CADM2: variants seen among roughly 807,000 people sequenced by gnomAD.
CADM2 encodes the protein immunoglobulin superfamily member 4D.
In CADM2, 12 loss-of-function variants were observed where a neutral mutation model predicts 49.8. The observed-to-expected ratio is 0.24, with a 90% confidence interval of 0.15 to 0.39. CADM2 has a LOEUF of 0.39. Ranked by LOEUF, CADM2 falls within the 10% of genes least tolerant of loss-of-function variation. The pLI, the probability that CADM2 is intolerant of heterozygous loss-of-function variation, is 1.00. For synonymous variants in CADM2, 214 were observed against 175.4 expected, an observed-to-expected ratio of 1.22 and a Z score of -1.74; for missense variants, 378 against 492.3, an observed-to-expected ratio of 0.77 and a Z score of 2.20.
intron 3 of CADM2, among the ~76,000 whole-genome samples, chr3:85,833,647 A>C (rs1232210347): frequency 6.6e-6 from 1 of 151,304 alleles, no homozygotes; most frequent in East Asian, 2.0e-4. Context: ...TCTTTTCCCC[A>C]TTGTGTATTC....
intron 2 of CADM2, among the ~76,000 whole-genome samples, chr3:85,771,884 TC>T (rs1462171061): frequency 6.6e-6 from 1 of 152,106 alleles, no homozygotes; most frequent in Non-Finnish European, 1.5e-5. Flanking sequence ...AAGAACTAGT[TC>T]CATTTCTTTC....
intron 3 of CADM2, among the ~76,000 whole-genome samples, chr3:85,824,494 T>C (rs1375218): frequency 0.7 from 106,931 of 151,866 alleles, 39,205 homozygotes; most frequent in African/African-American, 0.92. Context: ...GTATGACTCT[T>C]TTGTCACTGG....
At chr3:85,178,380 T>G (rs2107698773) in intron 1 of CADM2, among the ~76,000 whole-genome samples, 1 of 152,014 alleles carries the variant, frequency 6.6e-6, no homozygotes, top group African/African-American at 2.4e-5. Context: ...GGATAAACCC[T>G]TGGAATAAGC....
In CADM2 at chr3:85,999,039, G is replaced by A. The variant is rs187058040; in HGVS notation, c.970+37392G>A. 2.2e-3 allele frequency among the ~76,000 whole-genome samples: 340 copies of A among 152,180 alleles called. 8 individuals carry two copies. The highest frequency in any genetic ancestry group is 0.018 in the Admixed American group (282 of 15,276). On this transcript the variant is annotated intron_variant, in intron 8 of 9. Coordinates refer to ENST00000383699, the MANE Select transcript of CADM2 (RefSeq NM_001167675.2). ...AAGGGTTTTATGGAAAAAAAATAAT[G>A]TATTCCATTTAAACATGCAGAGTTT...
intron 1 of CADM2, among the ~76,000 whole-genome samples, chr3:85,572,210 C>T (rs1157495312): frequency 1.2e-4 from 19 of 152,040 alleles, no homozygotes; most frequent in Admixed American, 1.2e-3. Flanking sequence ...GACAGGAGAA[C>T]CACTTGAACC....
chr3:85,552,509 T>A (rs760424513), intron 1 of CADM2, among the ~76,000 whole-genome samples: 1 of 150,234 alleles, frequency 6.7e-6, no homozygotes, highest in Non-Finnish European at 1.5e-5. Context: ...GCCTACCGAG[T>A]AGCTGAGACT....
chr3:85,917,732 G>A (rs575990504), intron 6 of CADM2, among the ~76,000 whole-genome samples: 1 of 152,244 alleles, frequency 6.6e-6, no homozygotes, highest in South Asian at 2.1e-4. Flanking sequence ...GATGGGGATG[G>A]CATTGAATCT....
At chr3:85,616,987 C>T (rs74967971) in intron 1 of CADM2, among the ~76,000 whole-genome samples, 1 of 152,132 alleles carries the variant, frequency 6.6e-6, no homozygotes, top group South Asian at 2.1e-4. Flanking sequence ...AAAACACACT[C>T]AATGTGTTTT....
chr3:85,316,863 C>T (rs1201318182), intron 1 of CADM2, among the ~76,000 whole-genome samples: 1 of 152,042 alleles, frequency 6.6e-6, no homozygotes, highest in Non-Finnish European at 1.5e-5. Flanking sequence ...AAGAGAAACA[C>T]CCAGCTGTCA....
intron 1 of CADM2, among the ~76,000 whole-genome samples, chr3:85,194,735 A>G (rs2041296261): frequency 1.3e-5 from 2 of 152,070 alleles, no homozygotes; most frequent in South Asian, 4.1e-4. Context: ...CTTGCTACCC[A>G]GGAATTACAG....
intron 8 of CADM2, among the ~76,000 whole-genome samples, chr3:85,989,407 C>T (rs1728489930): frequency 6.6e-6 from 1 of 152,154 alleles, no homozygotes; most frequent in African/African-American, 2.4e-5. Flanking sequence ...GTATCAGAAC[C>T]TCAAGAAAAC....
At chr3:85,287,665 A>C (rs1195941382) in intron 1 of CADM2, among the ~76,000 whole-genome samples, 1 of 152,086 alleles carries the variant, frequency 6.6e-6, no homozygotes, top group Admixed American at 6.6e-5. Flanking sequence ...TGTCATTATT[A>C]ATTATTAGGA....
chr3:85,804,029 A>T (rs2108086242), intron 3 of CADM2, among the ~76,000 whole-genome samples: 1 of 152,262 alleles, frequency 6.6e-6, no homozygotes, highest in African/African-American at 2.4e-5. Flanking sequence ...CAACAAATGA[A>T]GTTCTACTAG....
At chr3:85,344,811 A>G (rs576555107) in intron 1 of CADM2, among the ~76,000 whole-genome samples, 8 of 152,266 alleles carry the variant, frequency 5.3e-5, no homozygotes, top group African/African-American at 1.9e-4. Context: ...TGAACAATGA[A>G]TTGTTATTAT....
chr3:85,017,757 T>TA (rs1337500737), intron 1 of CADM2, among the ~76,000 whole-genome samples: 8 of 152,160 alleles, frequency 5.3e-5, no homozygotes, highest in Non-Finnish European at 7.3e-5. Flanking sequence ...CTTAACCAAA[T>TA]ACAGTATTAT....
intron 8 of CADM2, among the ~76,000 whole-genome samples, chr3:86,040,042 C>G (rs1735667909): frequency 1.3e-5 from 2 of 152,246 alleles, no homozygotes; most frequent in South Asian, 4.1e-4. Context: ...AGAAGGAAAA[C>G]TAACAAACAG....
rs143674919 is a variant in CADM2 at position 84,994,241 on chromosome 3, G to C, written c.61+34573G>C. On this transcript the variant is annotated intron_variant, in intron 1 of 9. Coordinates refer to ENST00000383699, the MANE Select transcript of CADM2 (RefSeq NM_001167675.2). ...AGTTTGAAGAGTGCCTGCCAAGATC[G>C]TTATAAATACATCCTAATAAATATA... Among the ~76,000 whole-genome samples, 591 of 152,256 alleles carry C rather than the reference G, an allele frequency of 3.9e-3. 5 individuals are homozygous for C. Among genetic ancestry groups the C allele is most frequent in the African/African-American group, 0.013 (560 of 41,546 alleles).
At chr3:85,477,581 A>G (rs2039030819) in intron 1 of CADM2, among the ~76,000 whole-genome samples, 1 of 151,890 alleles carries the variant, frequency 6.6e-6, no homozygotes, top group Non-Finnish European at 1.5e-5. Context: ...GCCAAAGCAA[A>G]AGAAAATACA....
At chr3:85,418,213 G>A (rs2036001358) in intron 1 of CADM2, among the ~76,000 whole-genome samples, 1 of 99,460 alleles carries the variant, frequency 1.0e-5, no homozygotes, top group African/African-American at 3.0e-5. Flanking sequence ...AGTAATGGTA[G>A]CTACCTATCA....
Sources: allele counts gnomAD v4.1 joint callset (sites outside exome capture counted in the v4.1 genomes callset), GRCh38; gene constraint gnomAD v4.1.1; transcripts MANE v1.5; gene names NCBI Gene and HGNC (gene_info 2026-07-23, HGNC 2026-07-21).